HPSE2: variants seen among roughly 807,000 people sequenced by gnomAD.
HPSE2 encodes the protein inactive heparanase-2.
A neutral mutation model predicts 60.5 loss-of-function variants in HPSE2; 38 were observed. The observed-to-expected ratio is 0.63, with a 90% CI of 0.48 to 0.82. The LOEUF (loss-of-function observed/expected upper bound fraction) is 0.82, where lower values mean the gene tolerates loss of function less well. Among genes scored for constraint, HPSE2 ranks in the 40% least tolerant of loss-of-function variants. The probability of loss-of-function intolerance (pLI) is 0.00; values close to 1 mark genes in which losing one functional copy is unlikely to be tolerated. For synonymous variants in HPSE2, 295 were observed against 293.2 expected, an observed-to-expected ratio of 1.01 and a Z score of -0.06; for missense variants, 713 against 740.4, an observed-to-expected ratio of 0.96 and a Z score of 0.43.
chr10:98,519,621 G>T (rs1210600594), intron 9 of HPSE2, among the ~76,000 whole-genome samples: 1 of 152,282 alleles, frequency 6.6e-6, no homozygotes, highest in East Asian at 1.9e-4. Flanking sequence ...GCAGTTGGAA[G>T]TAACTGGCTG....
intron 4 of HPSE2, among the ~76,000 whole-genome samples, chr10:98,724,339 A>T (rs1377165834): frequency 1.3e-5 from 2 of 152,138 alleles, no homozygotes; most frequent in African/African-American, 4.8e-5. Flanking sequence ...ACAGTTTGTT[A>T]TAATTTCTGT....
At chr10:98,461,674 G>T in intron 11 of HPSE2, 1 of 901,996 alleles carries the variant, frequency 1.1e-6, no homozygotes, top group Non-Finnish European at 1.7e-6. Context: ...TCTTTCTAAG[G>T]CATACTCAAA....
chr10:99,123,838 G>A (rs868209203), intron 3 of HPSE2, among the ~76,000 whole-genome samples: 1 of 152,100 alleles, frequency 6.6e-6, no homozygotes, highest in Admixed American at 6.5e-5. Context: ...GTGAAGAGGA[G>A]ACCTTCAGTG....
chr10:99,104,233 C>T (rs954802617), intron 3 of HPSE2, among the ~76,000 whole-genome samples: 1 of 152,180 alleles, frequency 6.6e-6, no homozygotes, highest in African/African-American at 2.4e-5. Flanking sequence ...GCAATCTACT[C>T]ATCTGGCAAA....
intron 3 of HPSE2, among the ~76,000 whole-genome samples, chr10:99,018,816 A>G (rs1297672814): frequency 6.6e-6 from 1 of 152,242 alleles, no homozygotes; most frequent in African/African-American, 2.4e-5. Context: ...TGATTTTTCA[A>G]AATCGACTCG....
intron 3 of HPSE2, among the ~76,000 whole-genome samples, chr10:98,770,052 G>A (rs191335353): frequency 6.6e-6 from 1 of 152,238 alleles, no homozygotes; most frequent in Admixed American, 6.5e-5. Flanking sequence ...AATAGGGCAC[G>A]CACTTGGTGA....
At chr10:98,741,859 C>T (rs1949505264) in intron 4 of HPSE2, among the ~76,000 whole-genome samples, 1 of 152,156 alleles carries the variant, frequency 6.6e-6, no homozygotes, top group Non-Finnish European at 1.5e-5. Flanking sequence ...TGGCAGGTGT[C>T]ATGCCCTGTT....
intron 9 of HPSE2, among the ~76,000 whole-genome samples, chr10:98,515,004 G>T (rs994938333): frequency 1.3e-5 from 2 of 152,034 alleles, no homozygotes; most frequent in Non-Finnish European, 2.9e-5. Context: ...GATTACAGGC[G>T]TGAGCCACCG....
intron 5 of HPSE2, among the ~76,000 whole-genome samples, chr10:98,704,470 A>T (rs1948494151): frequency 6.6e-6 from 1 of 152,200 alleles, no homozygotes; most frequent in Non-Finnish European, 1.5e-5. Context: ...CTAAGCAAAA[A>T]GAAGGAAGCT....
intron 2 of HPSE2, among the ~76,000 whole-genome samples, chr10:99,227,854 G>A (rs1358232099): frequency 1.5e-5 from 2 of 129,882 alleles, no homozygotes; most frequent in Admixed American, 1.7e-4. Flanking sequence ...TATATATAAA[G>A]TTGAATGTGT....
intron 5 of HPSE2, among the ~76,000 whole-genome samples, chr10:98,699,250 CT>C (rs1370011674): frequency 6.6e-6 from 1 of 152,120 alleles, no homozygotes; most frequent in Non-Finnish European, 1.5e-5. Context: ...CAATAAAATA[CT>C]GGCAAACCGA....
intron 3 of HPSE2, among the ~76,000 whole-genome samples, chr10:99,005,900 G>A (rs1956880637): frequency 1.3e-5 from 2 of 152,168 alleles, no homozygotes; most frequent in Admixed American, 1.3e-4. Context: ...TACTGCTGGA[G>A]TCTTTGGACA....
At chr10:99,265,577 C>T in the HPSE2 span, among the ~76,000 whole-genome samples, 1 of 152,140 alleles carries the variant, frequency 6.6e-6, no homozygotes, top group Admixed American at 6.5e-5. Flanking sequence ...GCACATGTAC[C>T]CCTGAACTTA....
At chr10:99,027,602 C>T (rs977829161) in intron 3 of HPSE2, among the ~76,000 whole-genome samples, 2 of 152,048 alleles carry the variant, frequency 1.3e-5, no homozygotes, top group African/African-American at 4.8e-5. Flanking sequence ...TACTTCAAAA[C>T]TCATTCTATG....
Position 98,468,765 on chromosome 10 carries a change from C to T in HPSE2, c.1614-9026G>A, listed in dbSNP as rs150196029. The stretch of plus-strand genomic sequence containing the variant: ...GCCTGGCTGTATGTTCCAATCTCTT[C>T]CTCTACTGTTGTTAACAGAGAGGAC... On this transcript the variant is annotated intron_variant, in intron 11 of 11. Coordinates refer to ENST00000370552, the MANE Select transcript of HPSE2 (RefSeq NM_021828.5). 9.3e-3 allele frequency among the ~76,000 whole-genome samples: 1,415 copies of T among 152,240 alleles called. 13 individuals carry two copies. Among genetic ancestry groups the T allele is most frequent in the Non-Finnish European group, 0.014 (949 of 68,022 alleles).
chr10:99,205,535 T>C (rs1477385721), intron 2 of HPSE2, among the ~76,000 whole-genome samples: 1 of 152,018 alleles, frequency 6.6e-6, no homozygotes, highest in Non-Finnish European at 1.5e-5. Flanking sequence ...TGAGTCAAGA[T>C]CACACCACTG....
intron 3 of HPSE2, among the ~76,000 whole-genome samples, chr10:98,875,289 T>C (rs879079096): frequency 1.3e-5 from 2 of 151,448 alleles, no homozygotes; most frequent in African/African-American, 4.9e-5. Flanking sequence ...ACTAGACTAA[T>C]AAAGAAGAAA....
intron 8 of HPSE2, among the ~76,000 whole-genome samples, chr10:98,617,743 T>C (rs1297940897): frequency 6.6e-6 from 1 of 152,164 alleles, no homozygotes; most frequent in Non-Finnish European, 1.5e-5. Context: ...CCTGCCATTA[T>C]TTTCCACTCC....
Position 98,938,605 on chromosome 10 carries a change from C to A in HPSE2, c.611-194549G>T, listed in dbSNP as rs541130665. 4.2e-5 allele frequency among the ~76,000 whole-genome samples: 6 copies of A among 144,212 alleles called. 1 individual carries two copies. The East Asian group carries it at 7.9e-4, about 19-fold the overall frequency. The allele number at this position is 144,212 out of a possible 152,430, so 94.6% of individuals were successfully genotyped here. A position where few individuals can be genotyped will look rare whatever the true frequency, so the allele number is the denominator to read the frequency against. ...CTATGTGAAAAGACCAAATCTACGT[C>A]TGATTGGTGTACCTGAAAGTGAGGG... On this transcript the variant is annotated intron_variant, in intron 3 of 11. Coordinates refer to ENST00000370552, the MANE Select transcript of HPSE2 (RefSeq NM_021828.5).
Sources: gnomAD v4.1 joint callset for allele counts (sites outside exome capture counted in the v4.1 genomes callset) on GRCh38, gnomAD v4.1.1 for gene constraint, MANE v1.5 for transcripts, NCBI Gene and HGNC (gene_info 2026-07-23, HGNC 2026-07-21) for gene names.